The following SPICE1 variants were observed in gnomAD, a reference collection of about 807,000 sequenced individuals.
The protein encoded by SPICE1 is spindle and centriole associated protein 1.
SPICE1 carries 75 observed loss-of-function variants against 102.7 expected under a neutral mutation model. The observed-to-expected ratio is 0.73, with a 90% CI of 0.61 to 0.88. The LOEUF (loss-of-function observed/expected upper bound fraction) is 0.88, where lower values mean the gene tolerates loss of function less well. Among genes scored for constraint, SPICE1 ranks in the 40% least tolerant of loss-of-function variants. The pLI is 0.00. For missense variants in SPICE1, 979 were observed against 1,020.1 expected, an observed-to-expected ratio of 0.96 and a Z score of 0.55; for synonymous variants, 308 against 350.3, an observed-to-expected ratio of 0.88 and a Z score of 1.35.
chr3:113,464,708 T>C (rs893769570), intron 11 of SPICE1, among the ~76,000 whole-genome samples: 2 of 152,130 alleles, frequency 1.3e-5, no homozygotes, highest in East Asian at 3.8e-4. Context: ...ATGAATAAAA[T>C]AGACTGTGTA....
intron 10 of SPICE1, among the ~76,000 whole-genome samples, chr3:113,466,403 C>T (rs774780676): frequency 1.2e-4 from 18 of 151,912 alleles, no homozygotes; most frequent in Non-Finnish European, 2.5e-4. Context: ...GTCAAGAGAT[C>T]GAGACCATCC....
At chr3:113,476,338 T>A (rs1391952156) in intron 7 of SPICE1, among the ~76,000 whole-genome samples, 2 of 151,324 alleles carry the variant, frequency 1.3e-5, no homozygotes, top group African/African-American at 4.9e-5. Flanking sequence ...AGAATCACTA[T>A]CGTGAAAATG....
At chr3:113,456,649 A>C (rs1248599118) in intron 13 of SPICE1, among the ~76,000 whole-genome samples, 1 of 152,224 alleles carries the variant, frequency 6.6e-6, no homozygotes, top group Non-Finnish European at 1.5e-5. Flanking sequence ...TTAATTGTCC[A>C]TTAACTTTTA....
At chr3:113,491,853 C>T (rs1280103204) in intron 6 of SPICE1, among the ~76,000 whole-genome samples, 4 of 152,080 alleles carry the variant, frequency 2.6e-5, no homozygotes, top group African/African-American at 4.8e-5. Flanking sequence ...GTATCAGTAA[C>T]ATTAATTTGA....
intron 12 of SPICE1, chr3:113,459,747 T>C (rs6438149): frequency 0.19 from 135,892 of 708,900 alleles, 13,809 homozygotes; most frequent in African/African-American, 0.33. Flanking sequence ...CCAGGTGTGG[T>C]GGCAGGCGCC....
intron 3 of SPICE1, among the ~76,000 whole-genome samples, chr3:113,500,387 C>G (rs999720812): frequency 4.6e-5 from 7 of 151,886 alleles, no homozygotes; most frequent in Non-Finnish European, 5.9e-5. Flanking sequence ...AGGATTCTGA[C>G]TCACAAAAAA....
chr3:113,460,428 A>C (rs1935903455), intron 12 of SPICE1, 189 bp downstream of exon 12: 1 of 975,296 alleles, frequency 1.0e-6, no homozygotes, highest in South Asian at 4.7e-5. Context: ...TGTAAGACTT[A>C]ACAAGTATCT....
At chr3:113,510,693 G>A (rs1937203572) in intron 1 of SPICE1, among the ~76,000 whole-genome samples, 1 of 152,110 alleles carries the variant, frequency 6.6e-6, no homozygotes, top group South Asian at 2.1e-4. Context: ...ATACCATTCA[G>A]CACATACACA....
chr3:113,492,856 C>T (rs1936795517), intron 6 of SPICE1, among the ~76,000 whole-genome samples: 1 of 152,166 alleles, frequency 6.6e-6, no homozygotes, highest in Non-Finnish European at 1.5e-5. Flanking sequence ...TCGATGGTGG[C>T]AGTCTTGTTG....
intron 12 of SPICE1, among the ~76,000 whole-genome samples, chr3:113,458,738 C>A (rs1411596282): frequency 1.3e-5 from 2 of 151,982 alleles, no homozygotes; most frequent in Non-Finnish European, 2.9e-5. Flanking sequence ...AGCACCTCTT[C>A]CCGGCCATCA....
intron 10 of SPICE1, among the ~76,000 whole-genome samples, chr3:113,466,608 C>CAA (rs540786121): frequency 9.9e-6 from 1 of 101,498 alleles, no homozygotes; most frequent in African/African-American, 3.5e-5. Context: ...GACTCTGTCT[C>CAA]AAAAAAAAAA....
intron 1 of SPICE1, chr3:113,514,678 C>A: frequency 1.1e-6 from 1 of 907,396 alleles, no homozygotes; most frequent in African/African-American, 1.7e-5. Flanking sequence ...TTCTGAGAAG[C>A]CCCTCTGACA....
At chr3:113,456,697 T>C (rs1367758957) in intron 13 of SPICE1, among the ~76,000 whole-genome samples, 3 of 152,248 alleles carry the variant, frequency 2.0e-5, no homozygotes, top group Admixed American at 2.0e-4. Flanking sequence ...TGAAAACTTT[T>C]GATGAGAAAG....
chr3:113,459,431 A>AAAAAC (rs140423755), intron 12 of SPICE1: 19 of 956,860 alleles, frequency 2.0e-5, no homozygotes, highest in South Asian at 1.9e-4. Context: ...AAAAAAAATT[A>AAAAAC]AAAACAAAAC....
intron 1 of SPICE1, among the ~76,000 whole-genome samples, chr3:113,511,534 T>A (rs900923736): frequency 1.3e-5 from 2 of 152,166 alleles, no homozygotes; most frequent in African/African-American, 4.8e-5. Flanking sequence ...CCACATGTAC[T>A]CACTTATAAG....
At chr3:113,450,577 C>T (rs562064268) in intron 14 of SPICE1, 61 bp from the exon 15 acceptor site, 14 of 1,447,010 alleles carry the variant, frequency 9.7e-6, no homozygotes, top group African/African-American at 8.7e-5. Context: ...ATCTCTCCCA[C>T]GATTTTTTTT....
At chr3:113,473,306 CT>C (rs1389592333) in intron 7 of SPICE1, among the ~76,000 whole-genome samples, 2 of 152,040 alleles carry the variant, frequency 1.3e-5, no homozygotes, top group African/African-American at 4.8e-5. Flanking sequence ...AAATCTACGT[CT>C]GATTGGTGTA....
In SPICE1 at chr3:113,457,286, C is replaced by T. The variant is rs1201348007; in HGVS notation, c.1507G>A (p.Glu503Lys). ...TGAGACAGTTTAACGGGCAACTCTT[C>T]CTGTGGGAATTCAGCCACTTCCTCT... is the stretch of plus-strand genomic sequence containing the variant. ...FREEVAEFPQ[E>K]ELPVKLSQVP... The change falls in exon 13 of 18, where the codon GAA becomes AAA. Residue 503 changes from glutamate (E) to lysine (K), a missense_variant. Physicochemically the swap from Glu to Lys is moderately conservative, Grantham distance 56 (BLOSUM62 1). Coordinates refer to ENST00000295872, the MANE Select transcript of SPICE1 (RefSeq NM_144718.4). 2 of 1,614,168 alleles carry T rather than the reference C, an allele frequency of 1.2e-6. No homozygotes were observed. Among genetic ancestry groups the T allele is most frequent in the Admixed American group, 1.7e-5 (1 of 60,016 alleles).
Position 113,442,763 on chromosome 3 carries a change from A to G in SPICE1, c.*2544T>C, listed in dbSNP as rs1935413690. On this transcript the variant is annotated 3_prime_UTR_variant, in exon 18 of 18. Coordinates refer to ENST00000295872, the MANE Select transcript of SPICE1 (RefSeq NM_144718.4). ...TTTATTAGTTTCCACAATGTTACAC[A>G]AATACCATGCATTTATTTGCAATAC... 6.6e-6 allele frequency: 1 copy of G among 152,248 alleles called. No individual in the cohort carries two copies. The highest frequency in any genetic ancestry group is 2.4e-5 in the African/African-American group (1 of 41,474). The allele number at this position is 152,248 out of a possible 1,614,324, so 9.4% of individuals were successfully genotyped here.
Sources: allele counts gnomAD v4.1 joint callset (sites outside exome capture counted in the v4.1 genomes callset), GRCh38; gene constraint gnomAD v4.1.1; transcripts MANE v1.5; gene names NCBI Gene and HGNC (gene_info 2026-07-23, HGNC 2026-07-21).